MORN5: variants seen among roughly 807,000 people sequenced by gnomAD.
MORN5 encodes MORN repeat-containing protein 5.
A neutral mutation model predicts 22.1 loss-of-function variants in MORN5; 21 were observed. The observed-to-expected ratio is 0.95, with a 90% CI of 0.67 to 1.37. The LOEUF is 1.37. Ranked by LOEUF, MORN5 falls within the 40% of genes most tolerant of loss-of-function variation. MORN5 has a pLI of 0.00. For missense variants in MORN5, 211 were observed against 215.1 expected (o/e 0.98, Z 0.12); for synonymous variants, 73 against 74.0 (o/e 0.99, Z 0.07).
intron 2 of MORN5, among the ~76,000 whole-genome samples, chr9:122,168,923 T>G (rs1207673603): frequency 2.0e-5 from 3 of 152,024 alleles, no homozygotes; most frequent in African/African-American, 7.2e-5. Flanking sequence ...AGGAAAGCTG[T>G]TAGTGTAGTT....
At chr9:122,184,038 C>T (rs1829574773) in intron 4 of MORN5, among the ~76,000 whole-genome samples, 1 of 152,154 alleles carries the variant, frequency 6.6e-6, no homozygotes, top group African/African-American at 2.4e-5. Flanking sequence ...GCTGCCACCA[C>T]CAGAATCATG....
chr9:122,160,958 A>G (rs1260549750), intron 1 of MORN5, among the ~76,000 whole-genome samples: 1 of 152,194 alleles, frequency 6.6e-6, no homozygotes, highest in East Asian at 1.9e-4. Context: ...TGTCTTCAGA[A>G]AGTTCATTCA....
intron 4 of MORN5, among the ~76,000 whole-genome samples, chr9:122,196,541 C>A (rs1829895597): frequency 6.6e-6 from 1 of 151,932 alleles, no homozygotes; most frequent in South Asian, 2.1e-4. Context: ...CCATGTTGGC[C>A]AGGATGGCCT....
In MORN5 at chr9:122,193,157, C is replaced by A. The variant is rs764248478; in HGVS notation, c.440-6728C>A. 2.0e-5 allele frequency among the ~76,000 whole-genome samples: 3 copies of A among 152,154 alleles called. 1 individual carries two copies. The highest frequency in any genetic ancestry group is 1.3e-4 in the Admixed American group (2 of 15,266). On this transcript the variant is annotated intron_variant, in intron 4 of 4. Coordinates refer to ENST00000373764, the MANE Select transcript of MORN5 (RefSeq NM_198469.4). ...TGGGGCCTTTAAGTATGGATTGTGA[C>A]CCTGTTCATCAGACAACTCAAAATT...
At chr9:122,193,084 G>T (rs919134265) in intron 4 of MORN5, among the ~76,000 whole-genome samples, 36 of 152,252 alleles carry the variant, frequency 2.4e-4, no homozygotes, top group Admixed American at 1.4e-3. Context: ...CAGGGTCTGT[G>T]GGGGTAGGGG....
At chr9:122,170,813 C>T (rs1829354741) in intron 3 of MORN5, among the ~76,000 whole-genome samples, 1 of 152,084 alleles carries the variant, frequency 6.6e-6, no homozygotes, top group Non-Finnish European at 1.5e-5. Context: ...AGACGTGTTC[C>T]AGGTCAGGTG....
At chr9:122,166,472 C>T (rs1829284434) in intron 1 of MORN5, among the ~76,000 whole-genome samples, 1 of 151,970 alleles carries the variant, frequency 6.6e-6, no homozygotes, top group African/African-American at 2.4e-5. Context: ...TGGTTTTGGG[C>T]ACATCTCTAC....
intron 3 of MORN5, among the ~76,000 whole-genome samples, chr9:122,170,395 G>C (rs1363139974): frequency 6.6e-6 from 1 of 152,066 alleles, no homozygotes; most frequent in African/African-American, 2.4e-5. Context: ...TTAGAACAGT[G>C]CCTTGAATGC....
intron 1 of MORN5, among the ~76,000 whole-genome samples, chr9:122,160,334 A>C (rs1281978280): frequency 6.6e-6 from 1 of 152,244 alleles, no homozygotes; most frequent in East Asian, 1.9e-4. Flanking sequence ...CAATAAACAA[A>C]TAAGTGATAA....
At chr9:122,184,258 T>C (rs1829578073) in intron 4 of MORN5, among the ~76,000 whole-genome samples, 1 of 152,198 alleles carries the variant, frequency 6.6e-6, no homozygotes, top group Non-Finnish European at 1.5e-5. Flanking sequence ...GGTTTCCCGC[T>C]TTCCATTTCT....
chr9:122,190,651 T>C (rs1829741936), intron 4 of MORN5, among the ~76,000 whole-genome samples: 1 of 152,246 alleles, frequency 6.6e-6, no homozygotes, highest in Non-Finnish European at 1.5e-5. Flanking sequence ...CAGAAGATGC[T>C]CTTCTATGGG....
intron 1 of MORN5, among the ~76,000 whole-genome samples, chr9:122,166,329 T>C (rs148653213): frequency 4.9e-4 from 74 of 151,876 alleles, no homozygotes; most frequent in African/African-American, 1.7e-3. Context: ...CTCCTGTCTC[T>C]AAATTTCATA....
intron 3 of MORN5, 30 bp downstream of exon 3, chr9:122,169,786 C>A (rs764203944): frequency 7.1e-7 from 1 of 1,407,630 alleles, no homozygotes; most frequent in Non-Finnish European, 1.0e-6. Flanking sequence ...TTCCTTCATA[C>A]CCAAACTGAG....
intron 4 of MORN5, 53 bp downstream of exon 4, chr9:122,174,680 T>A (rs1829421731): frequency 1.2e-6 from 2 of 1,612,766 alleles, no homozygotes; most frequent in Non-Finnish European, 1.7e-6. Context: ...CATATGAGTA[T>A]GTGCATCTGT....
intron 4 of MORN5, among the ~76,000 whole-genome samples, chr9:122,183,217 C>T (rs555139317): frequency 6.6e-6 from 1 of 152,312 alleles, no homozygotes; most frequent in South Asian, 2.1e-4. Context: ...GGCAAATGGC[C>T]TTTACCATGA....
At chr9:122,162,209 A>G (rs999022321) in intron 1 of MORN5, among the ~76,000 whole-genome samples, 1 of 152,244 alleles carries the variant, frequency 6.6e-6, no homozygotes, top group African/African-American at 2.4e-5. Flanking sequence ...CAGTGTTCCA[A>G]GGAATATGTA....
chr9:122,177,841 G>A (rs1212965050), intron 4 of MORN5, among the ~76,000 whole-genome samples: 2 of 152,066 alleles, frequency 1.3e-5, no homozygotes, highest in Non-Finnish European at 2.9e-5. Context: ...ATATTTTTTT[G>A]TATAACAAGT....
At chr9:122,181,344 C>T (rs1466816127) in intron 4 of MORN5, among the ~76,000 whole-genome samples, 1 of 152,162 alleles carries the variant, frequency 6.6e-6, no homozygotes, top group African/African-American at 2.4e-5. Flanking sequence ...CTCATGCATC[C>T]AGTGAGCTGG....
intron 4 of MORN5, among the ~76,000 whole-genome samples, chr9:122,179,850 C>G (rs747605701): frequency 2.0e-5 from 3 of 152,190 alleles, no homozygotes; most frequent in Non-Finnish European, 4.4e-5. Flanking sequence ...TCCAATCTAC[C>G]CCCACAAACA....
Sources: gnomAD v4.1 joint callset for allele counts (sites outside exome capture counted in the v4.1 genomes callset) on GRCh38, gnomAD v4.1.1 for gene constraint, MANE v1.5 for transcripts, NCBI Gene and HGNC (gene_info 2026-07-23, HGNC 2026-07-21) for gene names.